Variants in ADGRF3 observed in about 807,000 individuals in gnomAD.
ADGRF3 encodes the protein G protein-coupled receptor 113.
A neutral mutation model predicts 93.2 loss-of-function variants in ADGRF3; 85 were observed. The ratio of observed to expected loss-of-function variants is 0.91; its 90% confidence interval spans 0.77 to 1.09. The LOEUF is 1.09. ADGRF3 is among the 50% of genes least tolerant of loss of function. The pLI is 0.00. For synonymous variants in ADGRF3, 534 were observed against 532.5 expected, an observed-to-expected ratio of 1.00 and a Z score of -0.04; for missense variants, 1,125 against 1,246.2, an observed-to-expected ratio of 0.90 and a Z score of 1.46.
intron 1 of ADGRF3, among the ~76,000 whole-genome samples, chr2:26,336,590 G>A (rs536046839): frequency 6.6e-6 from 1 of 152,030 alleles, no homozygotes; most frequent in South Asian, 2.1e-4. Context: ...GCTGGGCGTG[G>A]TGGCAAGTGC....
At chr2:26,319,107 G>T in intron 1 of ADGRF3, 1 of 1,515,974 alleles carries the variant, frequency 6.6e-7, no homozygotes, top group Non-Finnish European at 8.9e-7. Flanking sequence ...GGAAGAGCTG[G>T]CAGGGCAGTG....
At chr2:26,332,780 ATT>A (rs149262380) in intron 1 of ADGRF3, among the ~76,000 whole-genome samples, 1 of 151,058 alleles carries the variant, frequency 6.6e-6, no homozygotes, top group African/African-American at 2.4e-5. Context: ...CTTTATGTTA[ATT>A]TTTTTTTCTA....
Position 26,346,373 on chromosome 2 carries a change from A to C in ADGRF3, c.-139T>G, listed in dbSNP as rs955295117. ...GGGCCCGCGCGGCGCGGTCCGTGTC[A>C]CCTTGTGCCGCGTGGCTCCGGGCGG... is the stretch of plus-strand genomic sequence containing the variant. On this transcript the variant is annotated 5_prime_UTR_variant, in exon 1 of 14. Coordinates refer to ENST00000651242, the MANE Select transcript of ADGRF3 (RefSeq NM_001321971.2). 6.3e-6 allele frequency: 9 copies of C among 1,432,676 alleles called. No homozygotes were observed. Among genetic ancestry groups the C allele is most frequent in the Non-Finnish European group, 7.3e-6 (8 of 1,090,420 alleles). 88.7% of individuals were successfully genotyped at this position (1,432,676 alleles called of 1,614,324 possible).
chr2:26,325,278 C>T (rs1386242539), intron 1 of ADGRF3, among the ~76,000 whole-genome samples: 2 of 152,002 alleles, frequency 1.3e-5, no homozygotes, highest in East Asian at 1.9e-4. Flanking sequence ...TTGTTTGATG[C>T]TATAAAATTA....
chr2:26,314,558 G>C lies in ADGRF3; in HGVS notation c.784C>G (p.Pro262Ala). The part of the protein sequence containing the change: ...KWNLYEVVRV[P>A]LKATDVARLP... ...CGAGCCACATCTGTCGCCTTCAAGG[G>C]CACCCTCACCACCTCATACAGGTTC... The change falls in exon 6 of 14, where the codon CCC (proline) becomes GCC (alanine). Residue 262 changes from proline (P) to alanine (A), a missense_variant. Physicochemically the swap from Pro to Ala is conservative, Grantham distance 27. Coordinates refer to ENST00000651242, the MANE Select transcript of ADGRF3 (RefSeq NM_001321971.2). The C allele has an allele frequency of 6.2e-7, 1 of 1,614,048 alleles. No individual in the cohort carries two copies. Among genetic ancestry groups the C allele is most frequent in the Non-Finnish European group, 8.5e-7 (1 of 1,179,892 alleles).
At chr2:26,310,017 C>T in intron 12 of ADGRF3, 26 bp downstream of exon 12, 1 of 1,614,068 alleles carries the variant, frequency 6.2e-7, no homozygotes, top group Non-Finnish European at 8.5e-7. Flanking sequence ...GGATGCACAG[C>T]TGAGGATCTG....
chr2:26,316,378 G>GATGC lies in ADGRF3; in HGVS notation c.392_395dup (p.Ile132MetfsTer52). 6.4e-7 allele frequency: 1 copy of GATGC among 1,551,852 alleles called. No individual in the cohort carries two copies. On this transcript the variant is annotated frameshift_variant, in exon 4 of 14. Transcript: ENST00000651242. LOFTEE classifies it high-confidence loss of function. ...TTTGACAAGGAGGGTAATGGAGGCA[G>GATGC]ATGCTGGTGTTCCACTGGTAGCCAG...
intron 1 of ADGRF3, among the ~76,000 whole-genome samples, chr2:26,327,833 TA>T (rs113090429): frequency 0.072 from 10,466 of 146,000 alleles, 710 homozygotes; most frequent in African/African-American, 0.19. Context: ...CGTCTTCTTT[TA>T]AAAAAAAAAA....
intron 1 of ADGRF3, among the ~76,000 whole-genome samples, chr2:26,330,839 C>T (rs1265035105): frequency 1.3e-5 from 2 of 152,096 alleles, no homozygotes; most frequent in Non-Finnish European, 2.9e-5. Flanking sequence ...ACCACCAGTT[C>T]GGTGGTATGT....
intron 1 of ADGRF3, chr2:26,318,139 G>A: frequency 6.8e-7 from 1 of 1,478,896 alleles, no homozygotes; most frequent in Non-Finnish European, 9.1e-7. Context: ...AGGGAGGTGA[G>A]GATGGAGCTG....
At chr2:26,309,271 C>A in intron 13 of ADGRF3, 164 bp from the exon 14 acceptor site, 2 of 1,571,536 alleles carry the variant, frequency 1.3e-6, no homozygotes, top group South Asian at 2.4e-5. Context: ...GAAACCAAGT[C>A]AAGGACTGGT....
At chr2:26,340,884 A>C (rs1488823604) in intron 1 of ADGRF3, among the ~76,000 whole-genome samples, 2 of 152,188 alleles carry the variant, frequency 1.3e-5, no homozygotes, top group East Asian at 3.8e-4. Context: ...CTCATGAGTA[A>C]TGGTTATAAC....
At chr2:26,309,977 G>C (rs773775301) in intron 12 of ADGRF3, 66 bp downstream of exon 12, 2 of 1,614,032 alleles carry the variant, frequency 1.2e-6, no homozygotes, top group African/African-American at 1.3e-5. Context: ...CCTCTGAGGA[G>C]GGCCATGGAA....
chr2:26,343,886 T>C (rs1163540162), intron 1 of ADGRF3, among the ~76,000 whole-genome samples: 3 of 152,234 alleles, frequency 2.0e-5, no homozygotes, highest in African/African-American at 7.2e-5. Context: ...TATAATTGAT[T>C]CAAACTTGTT....
At chr2:26,324,839 A>G (rs1675357417) in intron 1 of ADGRF3, among the ~76,000 whole-genome samples, 1 of 152,246 alleles carries the variant, frequency 6.6e-6, no homozygotes, top group Non-Finnish European at 1.5e-5. Context: ...GTATAGACCC[A>G]GTAATGGGAT....
At chr2:26,331,768 C>T (rs910847299) in intron 1 of ADGRF3, among the ~76,000 whole-genome samples, 2 of 151,382 alleles carry the variant, frequency 1.3e-5, no homozygotes, top group Non-Finnish European at 2.9e-5. Flanking sequence ...ACAAAAGAAA[C>T]AAACAAAAAA....
intron 1 of ADGRF3, among the ~76,000 whole-genome samples, chr2:26,341,753 C>CT (rs1237434164): frequency 6.6e-6 from 1 of 152,062 alleles, no homozygotes; most frequent in South Asian, 2.1e-4. Context: ...CTTTCTCAGC[C>CT]TTTCAGCATG....
intron 1 of ADGRF3, among the ~76,000 whole-genome samples, chr2:26,321,969 CAA>C (rs112854920): frequency 1.8e-4 from 10 of 55,342 alleles, no homozygotes; most frequent in South Asian, 5.5e-4. Context: ...TGAGACTCCT[CAA>C]AAAAAAAAAA....
rs541562334 is a variant in ADGRF3 at position 26,336,366 on chromosome 2, G to A, written c.114+9755C>T. On this transcript the variant is annotated intron_variant, in intron 1 of 13. Transcript: ENST00000651242. ...TGTGTTTGTATGTATGTGTGTGTGC[G>A]TGTGTATGTGTGTCTGTTGGAAGGA... Among the ~76,000 whole-genome samples the A allele has an allele frequency of 1.8e-3, 272 of 150,244 alleles. 1 individual carries two copies. The highest frequency in any genetic ancestry group is 5.7e-3 in the African/African-American group (234 of 40,968).
Sources: gnomAD v4.1 joint callset for allele counts (sites outside exome capture counted in the v4.1 genomes callset) on GRCh38, gnomAD v4.1.1 for gene constraint, MANE v1.5 for transcripts, NCBI Gene and HGNC (gene_info 2026-07-23, HGNC 2026-07-21) for gene names.